Variants in TNIK observed in about 807,000 individuals in gnomAD.
TNIK encodes TRAF2 and NCK-interacting protein kinase.
In TNIK, 49 loss-of-function variants were observed where a neutral mutation model predicts 191.3. The observed-to-expected ratio is 0.26, with a 90% confidence interval of 0.20 to 0.32. The LOEUF (loss-of-function observed/expected upper bound fraction) is 0.32, where lower values mean the gene tolerates loss of function less well. TNIK is among the 10% of genes least tolerant of loss of function. The probability of loss-of-function intolerance (pLI) is 1.00; values close to 1 mark genes in which losing one functional copy is unlikely to be tolerated. For missense variants in TNIK, 1,155 were observed against 1,702.3 expected (o/e 0.68, Z 5.66); for synonymous variants, 594 against 600.9 (o/e 0.99, Z 0.17).
At chr3:171,293,880 G>C (rs1751966955) in intron 2 of TNIK, among the ~76,000 whole-genome samples, 1 of 152,030 alleles carries the variant, frequency 6.6e-6, no homozygotes, top group South Asian at 2.1e-4. Flanking sequence ...AAGACTTCCA[G>C]ACCAGCCTGA....
chr3:171,166,022 A>G (rs1310394464), intron 10 of TNIK, among the ~76,000 whole-genome samples: 1 of 152,194 alleles, frequency 6.6e-6, no homozygotes, highest in Non-Finnish European at 1.5e-5. Flanking sequence ...TCCTTTAGAA[A>G]GGTACTGTTT....
chr3:171,262,354 C>A (rs1225073680), intron 2 of TNIK, among the ~76,000 whole-genome samples: 1 of 152,076 alleles, frequency 6.6e-6, no homozygotes, highest in East Asian at 1.9e-4. Flanking sequence ...TCATCACTTT[C>A]ATCTGAAAGT....
At chr3:171,192,709 G>C (rs1249507024) in intron 5 of TNIK, among the ~76,000 whole-genome samples, 1 of 152,188 alleles carries the variant, frequency 6.6e-6, no homozygotes, top group Non-Finnish European at 1.5e-5. Flanking sequence ...GAGTGGTCAG[G>C]ATGACTAAAT....
chr3:171,144,499 G>A (rs1224120306), intron 12 of TNIK, among the ~76,000 whole-genome samples: 1 of 152,074 alleles, frequency 6.6e-6, no homozygotes, highest in Admixed American at 6.5e-5. Context: ...ATTTATGATT[G>A]ACATGTAATA....
intron 1 of TNIK, among the ~76,000 whole-genome samples, chr3:171,388,105 C>A (rs1215946097): frequency 1.3e-5 from 2 of 152,134 alleles, no homozygotes; most frequent in Non-Finnish European, 2.9e-5. Context: ...AATTAAACAG[C>A]CTGTATGTAT....
chr3:171,284,401 C>T (rs1025116143), intron 2 of TNIK, among the ~76,000 whole-genome samples: 2 of 152,036 alleles, frequency 1.3e-5, no homozygotes. Context: ...AAATCTGGGG[C>T]CTTCTCAACC....
intron 2 of TNIK, among the ~76,000 whole-genome samples, chr3:171,263,122 T>A (rs1388549071): frequency 1.3e-5 from 2 of 152,180 alleles, no homozygotes; most frequent in African/African-American, 4.8e-5. Flanking sequence ...ATTCCCAGCC[T>A]TAAAAACAAG....
At chr3:171,457,077 AAGATTTAGTTTATCTCTG>A (rs1728875814) in intron 1 of TNIK, among the ~76,000 whole-genome samples, 1 of 152,212 alleles carries the variant, frequency 6.6e-6, no homozygotes, top group South Asian at 2.1e-4. Context: ...CCCATCCCTC[AAGATTTAGTTTATCTCTG>A]AGCTCTAAAA....
chr3:171,147,579 C>A (rs936350893), intron 12 of TNIK, among the ~76,000 whole-genome samples: 1 of 152,062 alleles, frequency 6.6e-6, no homozygotes. Context: ...AGCAGTCTGG[C>A]ACCTCTGAAT....
intron 12 of TNIK, among the ~76,000 whole-genome samples, chr3:171,151,311 T>A (rs1346515966): frequency 2.0e-5 from 3 of 152,266 alleles, no homozygotes; most frequent in Non-Finnish European, 4.4e-5. Flanking sequence ...CCCAGTATTA[T>A]AACAAATATT....
In TNIK at chr3:171,138,208, G is replaced by GCTTCTCA; in HGVS notation, c.1584_1590dup (p.Pro531Ter). ...TTACTTACCTCCTTGGCCCATGCTG[G>GCTTCTCA]CTTCTCACTAGGACTCATTCCTTCT... is the stretch of plus-strand genomic sequence containing the variant. On this transcript the variant is annotated stop_gained and frameshift_variant, in exon 15 of 33. Coordinates refer to ENST00000436636, the MANE Select transcript of TNIK (RefSeq NM_015028.4). LOFTEE classifies it high-confidence loss of function. The GCTTCTCA allele has an allele frequency of 6.2e-7, 1 of 1,603,548 alleles. No individual in the cohort carries two copies. Among genetic ancestry groups the GCTTCTCA allele is most frequent in the Non-Finnish European group, 8.5e-7 (1 of 1,176,504 alleles).
At chr3:171,432,887 GCATCCTTGAAAAA>G (rs1174323566) in intron 1 of TNIK, among the ~76,000 whole-genome samples, 6 of 152,024 alleles carry the variant, frequency 3.9e-5, no homozygotes, top group Non-Finnish European at 7.4e-5. Context: ...AAGGCTAAAA[GCATCCTTGAAAAA>G]CAATGAGTTG....
intron 1 of TNIK, among the ~76,000 whole-genome samples, chr3:171,446,095 T>C (rs1263763936): frequency 6.6e-6 from 1 of 152,234 alleles, no homozygotes; most frequent in Non-Finnish European, 1.5e-5. Flanking sequence ...ATCTGAACTC[T>C]AACTTTCCCA....
intron 1 of TNIK, among the ~76,000 whole-genome samples, chr3:171,412,009 C>T (rs867194916): frequency 1.2e-4 from 18 of 152,132 alleles, no homozygotes; most frequent in Non-Finnish European, 1.2e-4. Context: ...TGGGTGCCTG[C>T]TCTTATAGCA....
At chr3:171,188,484 A>G (rs983403752) in intron 7 of TNIK, among the ~76,000 whole-genome samples, 1 of 152,208 alleles carries the variant, frequency 6.6e-6, no homozygotes, top group Non-Finnish European at 1.5e-5. Flanking sequence ...TAAACTTTTT[A>G]TTTATTTTTT....
chr3:171,334,560 G>C (rs1180229390), intron 2 of TNIK, among the ~76,000 whole-genome samples: 1 of 152,190 alleles, frequency 6.6e-6, no homozygotes, highest in Non-Finnish European at 1.5e-5. Context: ...GAGCAGCATG[G>C]AGGAGCCTTC....
At chr3:171,134,098 G>T (rs1202327647) in intron 15 of TNIK, among the ~76,000 whole-genome samples, 1 of 152,032 alleles carries the variant, frequency 6.6e-6, no homozygotes, top group African/African-American at 2.4e-5. Context: ...AAAATCACAT[G>T]CCATTTAAGG....
chr3:171,110,457 C>T (rs1225211205), intron 19 of TNIK, among the ~76,000 whole-genome samples: 1 of 152,126 alleles, frequency 6.6e-6, no homozygotes, highest in Non-Finnish European at 1.5e-5. Context: ...TCAAATAAGA[C>T]TGATATTTGG....
intron 2 of TNIK, among the ~76,000 whole-genome samples, chr3:171,255,846 G>A (rs903295048): frequency 1.5e-4 from 23 of 152,134 alleles, no homozygotes; most frequent in African/African-American, 5.6e-4. Context: ...TGCCACAACA[G>A]TTTCTCTACT....
Sources: gnomAD v4.1 joint callset for allele counts (sites outside exome capture counted in the v4.1 genomes callset) on GRCh38, gnomAD v4.1.1 for gene constraint, MANE v1.5 for transcripts, NCBI Gene and HGNC (gene_info 2026-07-23, HGNC 2026-07-21) for gene names.